UCKL1: variants seen among roughly 807,000 people sequenced by gnomAD.
The protein encoded by UCKL1 is uridine-cytidine kinase 1 like 1, also known as uridine-cytidine kinase-like 1.
A neutral mutation model predicts 59.2 loss-of-function variants in UCKL1; 65 were observed. The observed-to-expected ratio is 1.10, with a 90% CI of 0.90 to 1.35. UCKL1 has a LOEUF of 1.35. Ranked by LOEUF, UCKL1 falls within the 40% of genes most tolerant of loss-of-function variation. The pLI is 0.00. For synonymous variants in UCKL1, 410 were observed against 323.1 expected (o/e 1.27, Z -2.88); for missense variants, 703 against 784.3 (o/e 0.90, Z 1.24).
chr20:63,944,983 A>G (rs2146499234), intron 5 of UCKL1, among the ~76,000 whole-genome samples: 1 of 152,158 alleles, frequency 6.6e-6, no homozygotes, highest in East Asian at 1.9e-4. Flanking sequence ...GTGTCTGGGG[A>G]TGCGGTGCTG....
rs116749955 is a variant in UCKL1 at position 63,947,523 on chromosome 20, A to G, written c.114-880T>C. Among the ~76,000 whole-genome samples the G allele has an allele frequency of 4.1e-3, 631 of 152,288 alleles. 5 individuals are homozygous for G. The highest frequency in any genetic ancestry group is 0.014 in the African/African-American group (595 of 41,552). On this transcript the variant is annotated intron_variant, in intron 1 of 14. Coordinates refer to ENST00000354216, the MANE Select transcript of UCKL1 (RefSeq NM_017859.4). ...ACCAGGCTGAAGGGCTCAGGGAGAGAGGCAGAGGGCTCAGCCAGGACCTGA... is the reference window on the plus strand; with the variant it reads ...ACCAGGCTGAAGGGCTCAGGGAGAGGGGCAGAGGGCTCAGCCAGGACCTGA...
At position 63,946,607 on chromosome 20, in the gene UCKL1, A is replaced by C. The variant is rs770575643; in HGVS notation, c.150T>G (p.Pro50=). 3.1e-6 allele frequency: 5 copies of C among 1,610,406 alleles called. No homozygotes were observed. The highest frequency in any genetic ancestry group is 1.7e-5 in the Admixed American group (1 of 59,986). The change falls in exon 2 of 15, where the codon CCT becomes CCG. Residue 50 remains proline, a synonymous_variant. Coordinates refer to ENST00000354216, the MANE Select transcript of UCKL1 (RefSeq NM_017859.4). Reference sequence around the variant, plus strand: ...TCCGGGGAGAGCGCCCAGTGCCCACAGGTGGCAGGAGCCTGTCCAGGGACT... The same window carrying C: ...TCCGGGGAGAGCGCCCAGTGCCCACCGGTGGCAGGAGCCTGTCCAGGGACT... The part of the protein sequence containing the change: ...NAESLDRLLP[P]VGTGRSPRKR...
chr20:63,940,113 G>T, intron 14 of UCKL1, 37 bp downstream of exon 14: 1 of 1,611,440 alleles, frequency 6.2e-7, no homozygotes, highest in Non-Finnish European at 8.5e-7. Flanking sequence ...CACCCACCCT[G>T]CCCTCATGTG....
At chr20:63,951,577 C>G (rs2057605951) in intron 1 of UCKL1, among the ~76,000 whole-genome samples, 3 of 152,322 alleles carry the variant, frequency 2.0e-5, no homozygotes, top group Admixed American at 6.5e-5. Context: ...CTGAAAATAA[C>G]TGCCTTGCCC....
chr20:63,947,913 G>A (rs1343491787), intron 1 of UCKL1, among the ~76,000 whole-genome samples: 1 of 152,238 alleles, frequency 6.6e-6, no homozygotes, highest in Non-Finnish European at 1.5e-5. Context: ...AACCTCAAGT[G>A]GGCAGGGGGC....
chr20:63,947,803 T>C (rs1236528515), intron 1 of UCKL1, among the ~76,000 whole-genome samples: 3 of 152,068 alleles, frequency 2.0e-5, no homozygotes, highest in African/African-American at 7.2e-5. Flanking sequence ...AAGGGGGAAA[T>C]CAACGGGAGG....
chr20:63,956,201 G>T, intron 1 of UCKL1, 59 bp downstream of exon 1: 1 of 1,398,394 alleles, frequency 7.2e-7, no homozygotes, highest in Admixed American at 2.9e-5. Flanking sequence ...CGCCCAGCTC[G>T]GCCGGATCTG....
At chr20:63,946,786 A>G in intron 1 of UCKL1, 143 bp from the exon 2 acceptor site, 1 of 827,472 alleles carries the variant, frequency 1.2e-6, no homozygotes. Flanking sequence ...GTACATAAGA[A>G]CTCTGCCTGG....
In UCKL1 at chr20:63,943,658, G is replaced by A. The variant is rs772917918; in HGVS notation, c.918C>T (p.Ser306=). The A allele has an allele frequency of 1.2e-5, 20 of 1,612,596 alleles. No individual in the cohort carries two copies. Among genetic ancestry groups the A allele is most frequent in the African/African-American group, 5.3e-5 (4 of 74,940 alleles). ...VHSQLEEREL[S]VRAALASAHQ... Reference sequence around the variant, plus strand: ...GACAGCTGTGCAAGTCTTACCTGACGCTGAGTTCACGCTGTGGCAGCAACA... The same window carrying A: ...GACAGCTGTGCAAGTCTTACCTGACACTGAGTTCACGCTGTGGCAGCAACA... The change falls in exon 8 of 15, where the codon AGC becomes AGT. Residue 306 remains serine (S), a synonymous_variant. Coordinates refer to ENST00000354216, the MANE Select transcript of UCKL1 (RefSeq NM_017859.4).
chr20:63,951,270 T>A, intron 1 of UCKL1: 1 of 913,334 alleles, frequency 1.1e-6, no homozygotes, highest in Non-Finnish European at 1.3e-6. Context: ...CAGCCCTCGG[T>A]GTGAACTGCC....
At position 63,944,438 on chromosome 20, in the gene UCKL1, T is replaced by A; in HGVS notation, c.865A>T (p.Ile289Phe). Residue 289 changes from isoleucine (I) to phenylalanine (F), a missense_variant, in exon 7 of 15, where the codon ATC (isoleucine) becomes TTC (phenylalanine). Physicochemically the swap from Ile to Phe is conservative, Grantham distance 21 (BLOSUM62 0). This residue lies in a region of UCKL1 where 156 missense variants were observed against 185.6 expected (regional missense o/e 0.84). Transcript: ENST00000354216. ...VPRGSGNTVA[I>F]DLIVQHVHSQ... ...TGCACGTGCTGCACAATCAGGTCGATGGCCACCGTGTTGCCGCTCCCTGGG... is the reference window on the plus strand; with the variant it reads ...TGCACGTGCTGCACAATCAGGTCGAAGGCCACCGTGTTGCCGCTCCCTGGG... 2 of 1,339,440 alleles carry A rather than the reference T, an allele frequency of 1.5e-6. No homozygotes were observed. Among genetic ancestry groups the A allele is most frequent in the South Asian group, 1.2e-5 (1 of 82,888 alleles). The allele number at this position is 1,339,440 out of a possible 1,614,324, so 83.0% of individuals were successfully genotyped here. A position where few individuals can be genotyped will look rare whatever the true frequency, so the allele number is the denominator to read the frequency against.
Position 63,939,922 on chromosome 20 carries a change from C to CCTGG in UCKL1, c.*50_*53dup. On this transcript the variant is annotated 3_prime_UTR_variant, in exon 15 of 15. Transcript: ENST00000354216. ...AATTAACATCTTTGTATTCAGCAGTCCTGGGTCAGGAGGCAGGAGGAGGGT... is the reference window on the plus strand; with the variant it reads ...AATTAACATCTTTGTATTCAGCAGTCCTGGCTGGGTCAGGAGGCAGGAGGAGGGT... 2.0e-6 allele frequency: 3 copies of CCTGG among 1,476,902 alleles called. No individual in the cohort carries two copies. Among genetic ancestry groups the CCTGG allele is most frequent in the Non-Finnish European group, 2.8e-6 (3 of 1,059,358 alleles). The allele number at this position is 1,476,902 out of a possible 1,614,324, so 91.5% of individuals were successfully genotyped here. A position where few individuals can be genotyped will look rare whatever the true frequency, so the allele number is the denominator to read the frequency against.
intron 1 of UCKL1, among the ~76,000 whole-genome samples, chr20:63,951,555 C>G (rs1472878228): frequency 1.3e-5 from 2 of 152,194 alleles, no homozygotes; most frequent in African/African-American, 2.4e-5. Context: ...AAACTCCACC[C>G]TCTGGCACCA....
Position 63,943,747 on chromosome 20 carries a change from C to T in UCKL1, c.907-78G>A. The T allele has an allele frequency of 1.9e-6, 3 of 1,604,214 alleles. 1 individual carries two copies. On this transcript the variant is annotated intron_variant, in intron 7 of 14. Coordinates refer to ENST00000354216, the MANE Select transcript of UCKL1 (RefSeq NM_017859.4). ...GGGCAGGCGGCCAGGCCACCCCCAC[C>T]CAGGAATGGACATGCTGCAGGCCCG... is the stretch of plus-strand genomic sequence containing the variant.
In UCKL1 at chr20:63,945,989, C is replaced by T. The variant is rs747829161; in HGVS notation, c.412-14G>A. 3 of 1,613,454 alleles carry T rather than the reference C, an allele frequency of 1.9e-6. No homozygotes were observed. Among genetic ancestry groups the T allele is most frequent in the Admixed American group, 3.3e-5 (2 of 59,990 alleles). On this transcript the variant is annotated splice_polypyrimidine_tract_variant and intron_variant, in intron 3 of 14. Transcript: ENST00000354216. ...CTCAGTCAGCACCTGGTGGGGGAGGCTGTGGAGCAGCTGTGGGCACAGTAG... is the reference window on the plus strand; with the variant it reads ...CTCAGTCAGCACCTGGTGGGGGAGGTTGTGGAGCAGCTGTGGGCACAGTAG...
intron 8 of UCKL1, among the ~76,000 whole-genome samples, chr20:63,942,889 T>G (rs1335746292): frequency 6.6e-6 from 1 of 152,174 alleles, no homozygotes; most frequent in African/African-American, 2.4e-5. Context: ...CGGAGACTCA[T>G]GCAGGCACCG....
At chr20:63,955,920 A>G in intron 1 of UCKL1, 1 of 200,032 alleles carries the variant, frequency 5.0e-6, no homozygotes, top group Non-Finnish European at 1.0e-5. Context: ...AGCCGACAAC[A>G]TAGACCAACT....
chr20:63,946,427 A>G (rs1279544551), intron 2 of UCKL1, 26 bp downstream of exon 2: 2 of 1,525,634 alleles, frequency 1.3e-6, no homozygotes, highest in South Asian at 2.5e-5. Flanking sequence ...GTCCGGCAGC[A>G]GGTCCCACCC....
At chr20:63,952,127 G>A (rs575250090) in intron 1 of UCKL1, among the ~76,000 whole-genome samples, 4 of 152,322 alleles carry the variant, frequency 2.6e-5, no homozygotes, top group Admixed American at 6.5e-5. Flanking sequence ...CCCAGGAGGC[G>A]GCTACATCCC....
Sources: gnomAD v4.1 joint callset for allele counts (sites outside exome capture counted in the v4.1 genomes callset) on GRCh38, gnomAD v4.1.1 for gene constraint, gnomAD v4.1.1 regional missense constraint, MANE v1.5 for transcripts, NCBI Gene and HGNC (gene_info 2026-07-23, HGNC 2026-07-21) for gene names.